Variants in FBXW11 observed in about 807,000 individuals in gnomAD.
The protein encoded by FBXW11 is F-box and WD repeat domain containing 11.
Under a neutral mutation model 77.6 loss-of-function variants are expected in FBXW11, and 19 were observed. The ratio of observed to expected loss-of-function variants is 0.24; its 90% CI spans 0.17 to 0.36. FBXW11 has a LOEUF of 0.36. Among genes scored for constraint, FBXW11 ranks in the 10% least tolerant of loss-of-function variants. The pLI is 1.00. For missense variants in FBXW11, 334 were observed against 704.2 expected (o/e 0.47, Z 5.95); for synonymous variants, 235 against 249.4 (o/e 0.94, Z 0.54).
At chr5:171,966,899 G>A (rs559649901) in intron 1 of FBXW11, among the ~76,000 whole-genome samples, 1 of 152,260 alleles carries the variant, frequency 6.6e-6, no homozygotes, top group South Asian at 2.1e-4. Flanking sequence ...TACCACCTCT[G>A]GCCAAACAAG....
At chr5:171,978,098 A>T (rs1180198635) in intron 1 of FBXW11, among the ~76,000 whole-genome samples, 8 of 151,928 alleles carry the variant, frequency 5.3e-5, no homozygotes, top group African/African-American at 1.9e-4. Context: ...AGAAAGGGTG[A>T]CCCCTCCCTA....
At chr5:171,890,273 G>A (rs1213792535) in intron 7 of FBXW11, among the ~76,000 whole-genome samples, 3 of 152,206 alleles carry the variant, frequency 2.0e-5, no homozygotes, top group African/African-American at 7.2e-5. Context: ...GCTCACGCCC[G>A]TAATCCCCGC....
In FBXW11 at chr5:171,861,689, G is replaced by GTT. The variant is rs1757106311; in HGVS notation, c.*2437_*2438insAA. On this transcript the variant is annotated 3_prime_UTR_variant, in exon 14 of 14. Transcript: ENST00000517395. ...TTACTTAGCAATTTACTGGACAAAA[G>GTT]TCAAACTTTTTTGTTTTTTATTAAG... is the stretch of plus-strand genomic sequence containing the variant. 1 of 152,616 alleles carries GTT rather than the reference G, an allele frequency of 6.6e-6. No homozygotes were observed. The highest frequency in any genetic ancestry group is 1.5e-5 in the Non-Finnish European group (1 of 68,036). The allele number at this position is 152,616 out of a possible 1,614,324, so 9.5% of individuals were successfully genotyped here. A position where few individuals can be genotyped will look rare whatever the true frequency, so the allele number is the denominator to read the frequency against.
chr5:171,895,373 G>A (rs1759673896), intron 6 of FBXW11, among the ~76,000 whole-genome samples: 1 of 152,162 alleles, frequency 6.6e-6, no homozygotes. Context: ...ACACAACTGG[G>A]TGGGTGGGCA....
chr5:171,927,616 T>C (rs1485898278), intron 2 of FBXW11, among the ~76,000 whole-genome samples: 2 of 152,226 alleles, frequency 1.3e-5, no homozygotes, highest in Non-Finnish European at 2.9e-5. Flanking sequence ...TGAAAATTGT[T>C]TAAAACATGC....
chr5:171,894,209 C>A (rs1017858010), intron 6 of FBXW11, among the ~76,000 whole-genome samples: 1 of 152,142 alleles, frequency 6.6e-6, no homozygotes, highest in Non-Finnish European at 1.5e-5. Flanking sequence ...ACATTAAAGG[C>A]TGGGCTATAC....
chr5:171,926,197 A>C (rs1196977992), intron 2 of FBXW11, among the ~76,000 whole-genome samples: 1 of 152,196 alleles, frequency 6.6e-6, no homozygotes, highest in Non-Finnish European at 1.5e-5. Flanking sequence ...AAGACCCCAG[A>C]TATATATGCT....
At chr5:171,873,418 G>A (rs1246813130) in intron 9 of FBXW11, among the ~76,000 whole-genome samples, 1 of 152,208 alleles carries the variant, frequency 6.6e-6, no homozygotes, top group Non-Finnish European at 1.5e-5. Flanking sequence ...GCTGAGACAG[G>A]AGAATTGCTT....
intron 2 of FBXW11, among the ~76,000 whole-genome samples, chr5:171,924,687 G>C: frequency 6.6e-6 from 1 of 152,056 alleles, no homozygotes; most frequent in Non-Finnish European, 1.5e-5. Context: ...ACGGGGCCAG[G>C]CCAGCCCAGG....
intron 2 of FBXW11, among the ~76,000 whole-genome samples, chr5:171,922,922 CGTGTGTGTGT>C (rs372433343): frequency 5.3e-5 from 8 of 150,106 alleles, no homozygotes; most frequent in Admixed American, 5.3e-4. Flanking sequence ...TGTGTGTGTG[CGTGTGTGTGT>C]GTGACAGAGT....
chr5:171,985,605 A>T (rs1442802033), intron 1 of FBXW11, among the ~76,000 whole-genome samples: 2 of 152,152 alleles, frequency 1.3e-5, no homozygotes, highest in Non-Finnish European at 2.9e-5. Flanking sequence ...AAAAAAAATT[A>T]AAAAATTAAA....
intron 1 of FBXW11, among the ~76,000 whole-genome samples, chr5:171,958,695 CAT>C (rs1763743426): frequency 6.6e-6 from 1 of 152,012 alleles, no homozygotes; most frequent in Non-Finnish European, 1.5e-5. Flanking sequence ...ACCATTAGAC[CAT>C]ACTGTAAAGT....
rs1185275852 is a variant in FBXW11 at position 171,957,808 on chromosome 5, GC to G, written c.46-111del. ...AGTTGGGGCAGGGGGTGCACCCTTG[GC>G]AGTTTGGAGGTTAGGGATGGTCCCA... On this transcript the variant is annotated intron_variant, in intron 1 of 13. Transcript: ENST00000517395. 21 of 873,484 alleles carry G rather than the reference GC, an allele frequency of 2.4e-5. 1 individual carries two copies. The highest frequency in any genetic ancestry group is 5.9e-4 in the Middle Eastern group (2 of 3,378). The allele number at this position is 873,484 out of a possible 1,614,324, so 54.1% of individuals were successfully genotyped here.
At chr5:171,870,226 A>G (rs1236765366) in intron 11 of FBXW11, among the ~76,000 whole-genome samples, 1 of 152,210 alleles carries the variant, frequency 6.6e-6, no homozygotes, top group East Asian at 1.9e-4. Context: ...ATAGGAGTAC[A>G]AACAGACCAA....
intron 1 of FBXW11, among the ~76,000 whole-genome samples, chr5:171,972,703 C>A (rs1764605613): frequency 6.6e-6 from 1 of 151,938 alleles, no homozygotes; most frequent in Non-Finnish European, 1.5e-5. Context: ...CACCACCACA[C>A]CTAGCTAATT....
Position 171,996,014 on chromosome 5 carries a change from T to C in FBXW11, c.45+10444A>G, listed in dbSNP as rs1199603033. Among the ~76,000 whole-genome samples the C allele has an allele frequency of 2.6e-5, 4 of 152,288 alleles. No individual in the cohort carries two copies. The East Asian group carries it at 7.7e-4, about 29-fold the overall frequency. ...GACCTGAGTAACTGGCAGTTTATGC[T>C]TACGAGCTCCATTTCACTAGCTGTA... On this transcript the variant is annotated intron_variant, in intron 1 of 13. Transcript: ENST00000517395.
At chr5:171,997,922 T>C (rs1411958690) in intron 1 of FBXW11, among the ~76,000 whole-genome samples, 1 of 152,232 alleles carries the variant, frequency 6.6e-6, no homozygotes. Context: ...GCAGTAATTA[T>C]AGTAATACCT....
At chr5:172,003,372 C>T (rs1212302496) in intron 1 of FBXW11, 1 of 152,206 alleles carries the variant, frequency 6.6e-6, no homozygotes, top group African/African-American at 2.4e-5. Context: ...ACATATTGTA[C>T]AGTTCTCATT....
intron 8 of FBXW11, 143 bp downstream of exon 8, chr5:171,877,868 C>T (rs1487810669): frequency 8.9e-6 from 6 of 677,370 alleles, no homozygotes; most frequent in African/African-American, 3.6e-5. Flanking sequence ...CTAATTTGCG[C>T]AAACATGTCT....
Sources: allele counts gnomAD v4.1 joint callset (sites outside exome capture counted in the v4.1 genomes callset), GRCh38; gene constraint gnomAD v4.1.1; transcripts MANE v1.5; gene names NCBI Gene and HGNC (gene_info 2026-07-23, HGNC 2026-07-21).